Variants in NEK10 observed in about 807,000 individuals in gnomAD.
The protein encoded by NEK10 is NIMA related kinase 10.
A neutral mutation model predicts 159.8 loss-of-function variants in NEK10; 122 were observed. The observed-to-expected ratio is 0.76, with a 90% CI of 0.66 to 0.89. NEK10 has a LOEUF of 0.89. NEK10 is among the 40% of genes least tolerant of loss of function. NEK10 has a pLI of 0.00. For missense variants in NEK10, 1,342 were observed against 1,323.1 expected (o/e 1.01, Z -0.22); for synonymous variants, 466 against 457.1 (o/e 1.02, Z -0.25).
chr3:27,189,939 A>AAT (rs1413383182), intron 26 of NEK10, among the ~76,000 whole-genome samples: 1 of 152,186 alleles, frequency 6.6e-6, no homozygotes, highest in Non-Finnish European at 1.5e-5. Context: ...AGCAGGTGCT[A>AAT]ATATATATGC....
intron 23 of NEK10, among the ~76,000 whole-genome samples, chr3:27,237,676 G>T (rs1954089311): frequency 6.6e-6 from 1 of 151,976 alleles, no homozygotes; most frequent in South Asian, 2.1e-4. Flanking sequence ...GGTGAGGAAG[G>T]GTGGGAGTGG....
intron 23 of NEK10, among the ~76,000 whole-genome samples, chr3:27,240,278 C>A (rs1158719): frequency 0.23 from 35,578 of 151,950 alleles, 4,513 homozygotes; most frequent in Middle Eastern, 0.37. Flanking sequence ...TATACATCAA[C>A]TGCCATTTGC....
intron 19 of NEK10, among the ~76,000 whole-genome samples, chr3:27,289,908 C>A (rs2042879970): frequency 6.6e-6 from 1 of 152,170 alleles, no homozygotes; most frequent in Non-Finnish European, 1.5e-5. Flanking sequence ...TTTGTTACAT[C>A]CCAACACAGA....
chr3:27,158,400 A>C (rs1260633866), intron 30 of NEK10, among the ~76,000 whole-genome samples: 1 of 152,204 alleles, frequency 6.6e-6, no homozygotes, highest in Non-Finnish European at 1.5e-5. Flanking sequence ...TTAATAATTA[A>C]CTTGAAAGTA....
At chr3:27,260,923 T>C (rs2149349140) in intron 22 of NEK10, among the ~76,000 whole-genome samples, 1 of 152,322 alleles carries the variant, frequency 6.6e-6, no homozygotes, top group Non-Finnish European at 1.5e-5. Context: ...TATTCAGAGA[T>C]TCTACTTCTT....
At chr3:27,227,346 A>G (rs544961355) in intron 23 of NEK10, among the ~76,000 whole-genome samples, 16 of 152,226 alleles carry the variant, frequency 1.1e-4, no homozygotes, top group Non-Finnish European at 1.6e-4. Context: ...GGGGAAAGAC[A>G]TGGAAGCAGG....
rs140823941 is a variant in NEK10, at chr3:27,308,890, G to A, written c.716+36C>T. The A allele has an allele frequency of 3.8e-5, 39 of 1,025,644 alleles. No individual in the cohort carries two copies. In the African/African-American group the frequency reaches 4.7e-4, roughly 12 times the overall value. 63.5% of individuals were successfully genotyped at this position (1,025,644 alleles called of 1,614,324 possible). A position where few individuals can be genotyped will look rare whatever the true frequency, so the allele number is the denominator to read the frequency against. On this transcript the variant is annotated intron_variant, in intron 10 of 35. Transcript: ENST00000691995. The stretch of plus-strand genomic sequence containing the variant: ...CCTTACCACCTAAATTGCTATAGTA[G>A]CAGAACTGGAAAGTATATTAGAATA...
Position 27,127,133 on chromosome 3 carries a change from A to G in NEK10, c.3081+4747T>C, listed in dbSNP as rs577720096. On this transcript the variant is annotated intron_variant, in intron 32 of 35. Coordinates refer to ENST00000691995, the MANE Select transcript of NEK10 (RefSeq NM_001394966.1). ...CCGTCACCCAGTTAAAACATGTTCA[A>G]TCTTGCTTCATTTAAATCTCCCCCA... Among the ~76,000 whole-genome samples, 5 of 152,254 alleles carry G rather than the reference A, an allele frequency of 3.3e-5. No homozygotes were observed. The South Asian group carries it at 6.2e-4, about 19-fold the overall frequency.
At chr3:27,213,758 G>A (rs1361497034) in intron 23 of NEK10, among the ~76,000 whole-genome samples, 2 of 152,032 alleles carry the variant, frequency 1.3e-5, no homozygotes, top group Non-Finnish European at 2.9e-5. Flanking sequence ...CCTGACTCTG[G>A]TGTAGCATCA....
chr3:27,154,159 G>A (rs921760123), intron 30 of NEK10, among the ~76,000 whole-genome samples: 2 of 152,048 alleles, frequency 1.3e-5, no homozygotes, highest in Non-Finnish European at 2.9e-5. Flanking sequence ...CATCATTCAG[G>A]TAACTATGAA....
chr3:27,266,726 G>A (rs559395160), intron 22 of NEK10, among the ~76,000 whole-genome samples: 17 of 152,076 alleles, frequency 1.1e-4, no homozygotes, highest in South Asian at 2.1e-4. Context: ...TCTCTCCTTC[G>A]CCAGCTGGCT....
At chr3:27,331,251 C>CAA (rs1247716064) in intron 5 of NEK10, among the ~76,000 whole-genome samples, 1 of 53,914 alleles carries the variant, frequency 1.9e-5, no homozygotes, top group African/African-American at 4.6e-5. Context: ...AAAAAAAAAA[C>CAA]AAAAAAAAAA....
chr3:27,176,499 C>G (rs1575114644), intron 26 of NEK10, among the ~76,000 whole-genome samples: 1 of 152,318 alleles, frequency 6.6e-6, no homozygotes, highest in East Asian at 1.9e-4. Flanking sequence ...AGTCCAGCCT[C>G]AGCTCTGCCA....
chr3:27,298,661 C>T (rs1332505221), intron 13 of NEK10, among the ~76,000 whole-genome samples: 1 of 152,142 alleles, frequency 6.6e-6, no homozygotes, highest in African/African-American at 2.4e-5. Flanking sequence ...TTGGAACTCC[C>T]TAGAGGCTTG....
chr3:27,119,221 A>C (rs1205147207), intron 33 of NEK10, among the ~76,000 whole-genome samples: 1 of 152,230 alleles, frequency 6.6e-6, no homozygotes, highest in African/African-American at 2.4e-5. Context: ...AGAGAGGTTA[A>C]ATAGTTGTCC....
chr3:27,230,164 A>C (rs1383649226), intron 23 of NEK10, among the ~76,000 whole-genome samples: 6 of 152,052 alleles, frequency 3.9e-5, no homozygotes, highest in Non-Finnish European at 7.4e-5. Context: ...AGACTAACAG[A>C]AGATTTCTCA....
Position 27,108,143 on chromosome 3 carries a change from C to CTAA in NEK10, c.*3126_*3128dup, listed in dbSNP as rs543281239. On this transcript the variant is annotated 3_prime_UTR_variant, in exon 36 of 36. Coordinates refer to ENST00000691995, the MANE Select transcript of NEK10 (RefSeq NM_001394966.1). ...TCATAGATGATACTTATAGGAAGAC[C>CTAA]TAACTCTTAATCAATTATATCATTT... Among the ~76,000 whole-genome samples, 143 of 152,282 alleles carry CTAA rather than the reference C, an allele frequency of 9.4e-4. No individual in the cohort carries two copies. The highest frequency in any genetic ancestry group is 3.4e-3 in the African/African-American group (141 of 41,566).
rs554844330 is a variant in NEK10 at position 27,150,628 on chromosome 3, T to C, written c.2870-9046A>G. 1.0e-3 allele frequency among the ~76,000 whole-genome samples: 156 copies of C among 152,342 alleles called. 1 individual carries two copies. The highest frequency in any genetic ancestry group is 1.7e-3 in the Non-Finnish European group (114 of 68,034). ...TGATGTTCTTTGACAAAATACTTGG[T>C]CACCTAAGAGCTGTGATGAGAAGGT... On this transcript the variant is annotated intron_variant, in intron 30 of 35. Transcript: ENST00000691995.
intron 33 of NEK10, 99 bp from the exon 34 acceptor site, chr3:27,116,226 C>A: frequency 9.8e-7 from 1 of 1,022,682 alleles, no homozygotes; most frequent in Non-Finnish European, 1.5e-6. Flanking sequence ...GCAAACAGGT[C>A]AATTTCTTAA....
Sources: gnomAD v4.1 joint callset for allele counts (sites outside exome capture counted in the v4.1 genomes callset) on GRCh38, gnomAD v4.1.1 for gene constraint, MANE v1.5 for transcripts, NCBI Gene and HGNC (gene_info 2026-07-23, HGNC 2026-07-21) for gene names.